Variants in SLC6A19 observed in about 807,000 individuals in gnomAD.
The protein encoded by SLC6A19 is solute carrier family 6 member 19.
SLC6A19 carries 67 observed loss-of-function variants against 68.3 expected under a neutral mutation model. The observed-to-expected ratio is 0.98, with a 90% CI of 0.81 to 1.20. The LOEUF (loss-of-function observed/expected upper bound fraction) is 1.20. Among genes scored for constraint, SLC6A19 ranks in the 50% most tolerant of loss-of-function variants. The pLI is 0.00. For synonymous variants in SLC6A19, 392 were observed against 374.9 expected (o/e 1.05, Z -0.53); for missense variants, 813 against 851.6 (o/e 0.95, Z 0.56).
chr5:1,206,129 G>A (rs1745843669), intron 1 of SLC6A19, among the ~76,000 whole-genome samples: 2 of 152,228 alleles, frequency 1.3e-5, no homozygotes, highest in Non-Finnish European at 2.9e-5. Context: ...AGAGGGAGGG[G>A]AGAGAAAAGG....
chr5:1,202,489 C>T (rs1050827760), intron 1 of SLC6A19, among the ~76,000 whole-genome samples: 6 of 152,196 alleles, frequency 3.9e-5, no homozygotes, highest in Non-Finnish European at 7.4e-5. Context: ...TGTGTTCCTG[C>T]CCAGTGGTCC....
chr5:1,219,576 C>G lies in SLC6A19; in HGVS notation c.1450C>G (p.Leu484Val). 2 of 1,612,186 alleles carry G rather than the reference C, an allele frequency of 1.2e-6. No individual in the cohort carries two copies. Among genetic ancestry groups the G allele is most frequent in the South Asian group, 1.1e-5 (1 of 91,090 alleles). ...GAACTCCGGCCAGTACTGGCTCTCCCTGCTGGACAGCTATGCCGGCTCCAT... is the reference window on the plus strand; with the variant it reads ...GAACTCCGGCCAGTACTGGCTCTCCGTGCTGGACAGCTATGCCGGCTCCAT... ...TLNSGQYWLS[L>V]LDSYAGSIPL... is the part of the protein sequence containing the mutation. Residue 484 changes from leucine (L) to valine (V), a missense_variant, in exon 10 of 12, where the codon CTG becomes GTG. Coordinates refer to ENST00000304460, the MANE Select transcript of SLC6A19 (RefSeq NM_001003841.3).
chr5:1,207,085 C>T (rs986413491), intron 1 of SLC6A19, among the ~76,000 whole-genome samples: 9 of 152,238 alleles, frequency 5.9e-5, no homozygotes, highest in South Asian at 2.1e-4. Flanking sequence ...GTAGGAGACG[C>T]ACTGCGCGGT....
chr5:1,204,363 G>A (rs965246566), intron 1 of SLC6A19, among the ~76,000 whole-genome samples: 13 of 152,324 alleles, frequency 8.5e-5, no homozygotes, highest in East Asian at 3.9e-4. Flanking sequence ...TCTCAAGGGC[G>A]TGCTGCACCT....
intron 3 of SLC6A19, among the ~76,000 whole-genome samples, chr5:1,211,496 G>A (rs1420342514): frequency 3.9e-5 from 6 of 152,246 alleles, no homozygotes; most frequent in African/African-American, 1.2e-4. Flanking sequence ...GCACCTGACT[G>A]TTGGGGCTGG....
chr5:1,209,351 G>C lies in SLC6A19; in HGVS notation c.343+465G>C, dbSNP rs568917064. ...CAGTGCAGCCTCACCAAGAGGACAC[G>C]GCTCATTAAGCCCTCAGAATATGGG... On this transcript the variant is annotated intron_variant, in intron 2 of 11. Coordinates refer to ENST00000304460, the MANE Select transcript of SLC6A19 (RefSeq NM_001003841.3). The surrounding 1 kb of genome is among the most constrained non-coding windows in gnomAD (Gnocchi z 5.5). 6.6e-6 allele frequency among the ~76,000 whole-genome samples: 1 copy of C among 152,184 alleles called. No homozygotes were observed. Among genetic ancestry groups the C allele is most frequent in the African/African-American group, 2.4e-5 (1 of 41,438 alleles).
intron 1 of SLC6A19, among the ~76,000 whole-genome samples, chr5:1,205,130 G>A (rs1579507926): frequency 6.6e-6 from 1 of 152,308 alleles, no homozygotes; most frequent in Non-Finnish European, 1.5e-5. Context: ...GCCGCAGAGA[G>A]GCCTGGTTTC....
At chr5:1,206,953 G>A (rs566636638) in intron 1 of SLC6A19, among the ~76,000 whole-genome samples, 11 of 152,296 alleles carry the variant, frequency 7.2e-5, no homozygotes, top group South Asian at 2.1e-4. Context: ...TGCTGACCTC[G>A]GTCCCAAAGG....
rs1414830938 is a variant in SLC6A19, at chr5:1,209,887, T to A, written c.344-557T>A. Among the ~76,000 whole-genome samples, 1 of 152,244 alleles carries A rather than the reference T, an allele frequency of 6.6e-6. No individual in the cohort carries two copies. The highest frequency in any genetic ancestry group is 1.5e-5 in the Non-Finnish European group (1 of 68,048). The stretch of plus-strand genomic sequence containing the variant: ...GTAAAGCATGTACTACATAGCACAC[T>A]TTCCATCCTGCCTAGCTGTCCCCAA... On this transcript the variant is annotated intron_variant, in intron 2 of 11. Transcript: ENST00000304460. This position sits in a 1 kb window ranked among gnomAD's most constrained non-coding sequence, Gnocchi z 5.5.
intron 1 of SLC6A19, among the ~76,000 whole-genome samples, chr5:1,204,058 G>A (rs1004068967): frequency 6.6e-6 from 1 of 152,194 alleles, no homozygotes. Flanking sequence ...GCATCTTAGT[G>A]AGGGCCCCAG....
At position 1,214,965 on chromosome 5, in the gene SLC6A19, G is replaced by A. The variant is rs144943634; in HGVS notation, c.887+900G>A. ...TGCAGAGCCCAGGCAGGGAGGGCTGGGGTGCAGAGGGAGATGTGCTTGGAG... is the reference window on the plus strand; with the variant it reads ...TGCAGAGCCCAGGCAGGGAGGGCTGAGGTGCAGAGGGAGATGTGCTTGGAG... On this transcript the variant is annotated intron_variant, in intron 6 of 11. Transcript: ENST00000304460. This position sits in a 1 kb window ranked among gnomAD's most constrained non-coding sequence, Gnocchi z 7.4. Among the ~76,000 whole-genome samples, 1 of 152,176 alleles carries A rather than the reference G, an allele frequency of 6.6e-6. No individual in the cohort carries two copies. Among genetic ancestry groups the A allele is most frequent in the Non-Finnish European group, 1.5e-5 (1 of 67,974 alleles).
intron 9 of SLC6A19, 80 bp downstream of exon 9, chr5:1,219,187 T>G: frequency 7.4e-7 from 1 of 1,354,902 alleles, no homozygotes; most frequent in South Asian, 1.3e-5. Context: ...TGAACAGCTC[T>G]GTCCCCGGCC....
rs184137923 is a variant in SLC6A19 at position 1,215,037 on chromosome 5, A to G, written c.887+972A>G. Among the ~76,000 whole-genome samples the G allele has an allele frequency of 2.3e-3, 357 of 151,952 alleles. 12 individuals carry two copies. Among genetic ancestry groups the G allele is most frequent in the Admixed American group, 0.021 (315 of 15,278 alleles). On this transcript the variant is annotated intron_variant, in intron 6 of 11. Coordinates refer to ENST00000304460, the MANE Select transcript of SLC6A19 (RefSeq NM_001003841.3). This position sits in a 1 kb window ranked among gnomAD's most constrained non-coding sequence, Gnocchi z 5.1. ...GGCAGAGAGGGTGTTGGAGGGACAG[A>G]AAGGACCCTGGAGTCATTGTGCGAG...
rs559354812 is a variant in SLC6A19, at chr5:1,216,587, T to C, written c.917T>C (p.Val306Ala). 1.1e-5 allele frequency: 18 copies of C among 1,614,158 alleles called. No individual in the cohort carries two copies. Among genetic ancestry groups the C allele is most frequent in the Non-Finnish European group, 1.5e-5 (18 of 1,180,026 alleles). Residue 306 changes from valine (V) to alanine (A), a missense_variant, in exon 7 of 12, where the codon GTG becomes GCG. Val to Ala is a moderately conservative substitution (Grantham distance 64, BLOSUM62 0). Transcript: ENST00000304460. The stretch of plus-strand genomic sequence containing the variant: ...AACTGCGAGAAGGACTCGGTGATTG[T>C]GTCCATCATCAACGGCTTCACATCG... ...HNNCEKDSVI[V>A]SIINGFTSVY...
chr5:1,203,249 C>T (rs900086570), intron 1 of SLC6A19, among the ~76,000 whole-genome samples: 2 of 152,164 alleles, frequency 1.3e-5, no homozygotes, highest in Non-Finnish European at 2.9e-5. Context: ...TTCTAAGATG[C>T]GGGCTTGGGC....
intron 3 of SLC6A19, 27 bp downstream of exon 3, chr5:1,210,608 G>GTC (rs1745998888): frequency 1.9e-6 from 3 of 1,610,606 alleles, no homozygotes; most frequent in Non-Finnish European, 1.7e-6. Context: ...AGCCCCATCC[G>GTC]TCTCACCTGT....
At chr5:1,206,212 G>A (rs182185834) in intron 1 of SLC6A19, among the ~76,000 whole-genome samples, 72 of 152,182 alleles carry the variant, frequency 4.7e-4, no homozygotes, top group African/African-American at 1.7e-3. Context: ...ACAGCCTCCA[G>A]TACCTGGCTT....
At chr5:1,221,345 A>G in intron 11 of SLC6A19, 32 bp downstream of exon 11, 1 of 1,609,768 alleles carries the variant, frequency 6.2e-7, no homozygotes. Context: ...TGGGGTGGGG[A>G]GAGGAATGGG....
Position 1,209,699 on chromosome 5 carries a change from T to C in SLC6A19, c.344-745T>C, listed in dbSNP as rs1220122741. 3.4e-5 allele frequency among the ~76,000 whole-genome samples: 5 copies of C among 148,138 alleles called. No homozygotes were observed. Among genetic ancestry groups the C allele is most frequent in the Non-Finnish European group, 7.5e-5 (5 of 67,048 alleles). On this transcript the variant is annotated intron_variant, in intron 2 of 11. Coordinates refer to ENST00000304460, the MANE Select transcript of SLC6A19 (RefSeq NM_001003841.3). This position sits in a 1 kb window ranked among gnomAD's most constrained non-coding sequence, Gnocchi z 5.5. The stretch of plus-strand genomic sequence containing the variant: ...CTCTCTCTCATCCTCCTCCTCTCTC[T>C]CTCTCCCTCTCAGTCTCTGTCTTTT...
Sources: gnomAD v4.1 joint callset for allele counts (sites outside exome capture counted in the v4.1 genomes callset) on GRCh38, gnomAD v4.1.1 for gene constraint, Gnocchi (gnomAD v3.1) non-coding constraint, MANE v1.5 for transcripts, NCBI Gene and HGNC (gene_info 2026-07-23, HGNC 2026-07-21) for gene names.